The following FHIT variants were observed in gnomAD, a reference collection of about 807,000 sequenced individuals.
The protein encoded by FHIT is bis(5'-adenosyl)-triphosphatase.
A neutral mutation model predicts 17.9 loss-of-function variants in FHIT; 19 were observed. The observed-to-expected ratio is 1.06, with a 90% CI of 0.74 to 1.56. The LOEUF is 1.56. FHIT is among the 40% of genes most tolerant of loss of function. The pLI is 0.00. For synonymous variants in FHIT, 81 were observed against 69.7 expected (o/e 1.16, Z -0.81); for missense variants, 248 against 189.2 (o/e 1.31, Z -1.82).
At chr3:60,485,719 C>T (rs536570514) in intron 5 of FHIT, among the ~76,000 whole-genome samples, 195 of 152,124 alleles carry the variant, frequency 1.3e-3, no homozygotes, top group Middle Eastern at 6.8e-3. Flanking sequence ...CCATGGCACA[C>T]GTATACCTAT....
At chr3:59,932,356 C>T (rs1354283574) in intron 7 of FHIT, among the ~76,000 whole-genome samples, 1 of 152,146 alleles carries the variant, frequency 6.6e-6, no homozygotes, top group African/African-American at 2.4e-5. Flanking sequence ...GATAGACTTC[C>T]TTCCTCATTG....
intron 3 of FHIT, among the ~76,000 whole-genome samples, chr3:60,873,453 T>G (rs1553755523): frequency 1.3e-5 from 2 of 152,204 alleles, no homozygotes; most frequent in Non-Finnish European, 2.9e-5. Flanking sequence ...CAGCCTTGTT[T>G]CCTTCAACAG....
At chr3:60,904,679 G>A (rs558755797) in intron 3 of FHIT, among the ~76,000 whole-genome samples, 5 of 151,902 alleles carry the variant, frequency 3.3e-5, no homozygotes, top group African/African-American at 7.3e-5. Flanking sequence ...AGTGGCTCAC[G>A]CCTGTACTTC....
At chr3:60,430,248 A>G (rs1029135833) in intron 5 of FHIT, among the ~76,000 whole-genome samples, 3 of 152,068 alleles carry the variant, frequency 2.0e-5, no homozygotes. Context: ...CAAGTGTCTA[A>G]AAGTGATTTT....
At chr3:60,287,585 A>T (rs1163305339) in intron 5 of FHIT, among the ~76,000 whole-genome samples, 1 of 152,216 alleles carries the variant, frequency 6.6e-6, no homozygotes, top group East Asian at 1.9e-4. Context: ...GTGCTTAATA[A>T]ATTTTACCTG....
At chr3:60,933,222 TGGG>T (rs1708048233) in intron 3 of FHIT, among the ~76,000 whole-genome samples, 1 of 152,140 alleles carries the variant, frequency 6.6e-6, no homozygotes, top group Non-Finnish European at 1.5e-5. Context: ...TTTGTATACA[TGGG>T]GAGAAAATGG....
intron 5 of FHIT, among the ~76,000 whole-genome samples, chr3:60,207,286 T>C (rs1703241907): frequency 6.6e-6 from 1 of 152,096 alleles, no homozygotes; most frequent in Non-Finnish European, 1.5e-5. Context: ...TTCTAGAAAG[T>C]TTTATTTTGA....
chr3:60,205,123 T>C (rs1026737276), intron 5 of FHIT, among the ~76,000 whole-genome samples: 3 of 151,990 alleles, frequency 2.0e-5, no homozygotes, highest in African/African-American at 7.2e-5. Context: ...TATGAGCTTT[T>C]TGTACAGTGA....
intron 2 of FHIT, among the ~76,000 whole-genome samples, chr3:61,116,956 C>T (rs888288573): frequency 6.6e-6 from 1 of 152,026 alleles, no homozygotes; most frequent in African/African-American, 2.4e-5. Flanking sequence ...TCAAGTGTTA[C>T]TAATTAAGTA....
chr3:60,194,491 A>AAAACC (rs1030078694), intron 5 of FHIT, among the ~76,000 whole-genome samples: 3 of 152,182 alleles, frequency 2.0e-5, no homozygotes, highest in African/African-American at 7.2e-5. Flanking sequence ...ATCTTAGAAG[A>AAAACC]AAACCTAGGA....
chr3:60,536,796 C>T, intron 5 of FHIT, 64 bp downstream of exon 5: 1 of 1,508,358 alleles, frequency 6.6e-7, no homozygotes, highest in Non-Finnish European at 8.9e-7. Flanking sequence ...TATTTATATT[C>T]ATTTGGCTGG....
At chr3:60,629,423 T>C (rs1197535896) in intron 4 of FHIT, among the ~76,000 whole-genome samples, 3 of 152,212 alleles carry the variant, frequency 2.0e-5, no homozygotes, top group Non-Finnish European at 4.4e-5. Context: ...TCTTTATATT[T>C]TTCATCAGTT....
chr3:59,833,950 C>T (rs1701252789), intron 8 of FHIT, among the ~76,000 whole-genome samples: 1 of 152,186 alleles, frequency 6.6e-6, no homozygotes, highest in South Asian at 2.1e-4. Context: ...TCCACCATGA[C>T]TATAAGTTTC....
intron 8 of FHIT, among the ~76,000 whole-genome samples, chr3:59,791,360 A>C (rs765566980): frequency 6.6e-6 from 1 of 152,128 alleles, no homozygotes; most frequent in Non-Finnish European, 1.5e-5. Context: ...TTTCTACCAT[A>C]AGCTAGTAGG....
At chr3:60,797,622 A>G (rs546990481) in intron 4 of FHIT, among the ~76,000 whole-genome samples, 19 of 151,170 alleles carry the variant, frequency 1.3e-4, no homozygotes, top group Admixed American at 1.3e-4. Flanking sequence ...CATATTTTGC[A>G]TTATTAAACG....
Position 61,201,988 on chromosome 3 carries a change from G to A in FHIT, c.-212-1323C>T, listed in dbSNP as rs533399404. 4.0e-5 allele frequency among the ~76,000 whole-genome samples: 6 copies of A among 151,586 alleles called. 1 individual carries two copies. In the South Asian group the frequency reaches 1.2e-3, roughly 32 times the overall value. On this transcript the variant is annotated intron_variant, in intron 1 of 9. Coordinates refer to ENST00000492590, the MANE Select transcript of FHIT (RefSeq NM_002012.4). ...TGTGTGTGTATGTATATACATATGTGCATATATATACACACACATGTACAA... is the reference window on the plus strand; with the variant it reads ...TGTGTGTGTATGTATATACATATGTACATATATATACACACACATGTACAA...
intron 5 of FHIT, among the ~76,000 whole-genome samples, chr3:60,059,997 T>C (rs1462792967): frequency 1.3e-5 from 2 of 152,182 alleles, no homozygotes; most frequent in African/African-American, 4.8e-5. Flanking sequence ...TTTTGTTTTG[T>C]TTTGTTTTCC....
chr3:60,783,264 GC>G (rs1700454871), intron 4 of FHIT, among the ~76,000 whole-genome samples: 1 of 152,084 alleles, frequency 6.6e-6, no homozygotes, highest in Admixed American at 6.5e-5. Context: ...TCAAACCATA[GC>G]AGGGCCTTCA....
intron 7 of FHIT, among the ~76,000 whole-genome samples, chr3:59,979,855 GAATT>G (rs1231579574): frequency 6.6e-6 from 1 of 152,094 alleles, no homozygotes; most frequent in Non-Finnish European, 1.5e-5. Context: ...ACAGAAATGA[GAATT>G]AAATTCAGCA....
Sources: gnomAD v4.1 joint callset for allele counts (sites outside exome capture counted in the v4.1 genomes callset) on GRCh38, gnomAD v4.1.1 for gene constraint, MANE v1.5 for transcripts, NCBI Gene and HGNC (gene_info 2026-07-23, HGNC 2026-07-21) for gene names.